Variants in CSMD1 observed in about 807,000 individuals in gnomAD.
The protein encoded by CSMD1 is CUB and Sushi multiple domains 1.
Under a neutral mutation model 417.5 loss-of-function variants are expected in CSMD1, and 213 were observed. That is an observed-to-expected ratio of 0.51 (90% CI 0.46 to 0.57). CSMD1 has a LOEUF of 0.57. Among genes scored for constraint, CSMD1 ranks in the 20% least tolerant of loss-of-function variants. The pLI is 0.00. For synonymous variants in CSMD1, 2,862 were observed against 1,736.8 expected, an observed-to-expected ratio of 1.65 and a Z score of -16.11; for missense variants, 6,923 against 4,529.7, an observed-to-expected ratio of 1.53 and a Z score of -15.17.
intron 31 of CSMD1, among the ~76,000 whole-genome samples, chr8:3,202,745 T>C: frequency 6.6e-6 from 1 of 152,214 alleles, no homozygotes; most frequent in East Asian, 1.9e-4. Context: ...GTAATCTAAC[T>C]GTAACAGTGT....
chr8:4,072,047 T>C (rs567251229), intron 3 of CSMD1, among the ~76,000 whole-genome samples: 44 of 152,272 alleles, frequency 2.9e-4, no homozygotes, highest in African/African-American at 8.9e-4. Context: ...GATGTTAGGA[T>C]AGAGTTTTGG....
chr8:3,698,333 G>C (rs1025562062), intron 7 of CSMD1, among the ~76,000 whole-genome samples: 2 of 152,174 alleles, frequency 1.3e-5, no homozygotes, highest in Non-Finnish European at 2.9e-5. Flanking sequence ...TAAGAAAACA[G>C]GGTCTTTAAC....
intron 3 of CSMD1, among the ~76,000 whole-genome samples, chr8:4,108,202 T>G (rs1259197247): frequency 1.3e-5 from 2 of 152,106 alleles, no homozygotes; most frequent in African/African-American, 4.8e-5. Flanking sequence ...GGGAAACAAA[T>G]CAAGCTTATG....
At chr8:4,750,077 C>T (rs947197174) in intron 1 of CSMD1, among the ~76,000 whole-genome samples, 1 of 152,098 alleles carries the variant, frequency 6.6e-6, no homozygotes, top group African/African-American at 2.4e-5. Context: ...GCGATCTCGG[C>T]TCACCGCAAG....
At chr8:4,468,681 T>C (rs910403392) in intron 2 of CSMD1, among the ~76,000 whole-genome samples, 1 of 152,034 alleles carries the variant, frequency 6.6e-6, no homozygotes, top group Non-Finnish European at 1.5e-5. Context: ...CTGGACTGTA[T>C]GTATCATAAC....
chr8:4,968,410 A>T (rs1383061578), intron 1 of CSMD1, among the ~76,000 whole-genome samples: 1 of 152,138 alleles, frequency 6.6e-6, no homozygotes, highest in Non-Finnish European at 1.5e-5. Flanking sequence ...AAAAAAAAAT[A>T]ACACCCAAGC....
At chr8:4,795,167 C>A (rs946729436) in intron 1 of CSMD1, among the ~76,000 whole-genome samples, 1 of 149,874 alleles carries the variant, frequency 6.7e-6, no homozygotes, top group African/African-American at 2.5e-5. Flanking sequence ...AATGTAGTAG[C>A]CACATTTTTA....
At chr8:4,892,118 G>T (rs898324609) in intron 1 of CSMD1, among the ~76,000 whole-genome samples, 2 of 152,054 alleles carry the variant, frequency 1.3e-5, no homozygotes, top group South Asian at 4.1e-4. Context: ...CTCTGTCACA[G>T]GGAAATTTTT....
intron 3 of CSMD1, among the ~76,000 whole-genome samples, chr8:4,286,505 A>G (rs1421713072): frequency 6.6e-6 from 1 of 152,132 alleles, no homozygotes; most frequent in Admixed American, 6.6e-5. Flanking sequence ...TGGCACAGGA[A>G]GGAAGACACT....
chr8:4,047,357 G>A (rs1276297317), intron 3 of CSMD1, among the ~76,000 whole-genome samples: 1 of 152,184 alleles, frequency 6.6e-6, no homozygotes, highest in Non-Finnish European at 1.5e-5. Flanking sequence ...CTTGGGAACG[G>A]TCCTGCTCAT....
chr8:4,541,975 A>G (rs4418366), intron 2 of CSMD1, among the ~76,000 whole-genome samples: 49,648 of 151,934 alleles, frequency 0.33, 9,143 homozygotes, highest in East Asian at 0.44. Context: ...GACTGACCTC[A>G]GATGTGGAGG....
intron 33 of CSMD1, among the ~76,000 whole-genome samples, chr8:3,197,855 G>A (rs955043417): frequency 5.9e-5 from 9 of 152,076 alleles, no homozygotes; most frequent in African/African-American, 2.2e-4. Context: ...TTTTACCATT[G>A]CTGTTGAGTA....
At chr8:3,389,700 T>A (rs75712689) in intron 17 of CSMD1, among the ~76,000 whole-genome samples, 9,019 of 152,090 alleles carry the variant, frequency 0.059, 565 homozygotes, top group South Asian at 0.19. Context: ...AACCATAAAC[T>A]AAACTTTTCC....
At chr8:4,565,362 T>C (rs566945709) in intron 2 of CSMD1, among the ~76,000 whole-genome samples, 2 of 152,288 alleles carry the variant, frequency 1.3e-5, no homozygotes, top group African/African-American at 4.8e-5. Context: ...TAACAAGCCA[T>C]GTGCAGCTGT....
intron 15 of CSMD1, among the ~76,000 whole-genome samples, chr8:3,399,798 A>C (rs1456971154): frequency 2.6e-5 from 4 of 152,210 alleles, no homozygotes; most frequent in African/African-American, 9.7e-5. Flanking sequence ...TAACTGAATT[A>C]TCTCATTTAA....
chr8:3,779,419 G>A (rs773775782), intron 5 of CSMD1, among the ~76,000 whole-genome samples: 1 of 152,124 alleles, frequency 6.6e-6, no homozygotes, highest in Non-Finnish European at 1.5e-5. Context: ...CTACGTAGGA[G>A]CATCAAGAAA....
intron 3 of CSMD1, among the ~76,000 whole-genome samples, chr8:4,184,695 G>A (rs1035577086): frequency 1.3e-5 from 2 of 152,152 alleles, no homozygotes; most frequent in Non-Finnish European, 2.9e-5. Flanking sequence ...GACACCAGAG[G>A]TTGGAAGGTG....
chr8:3,845,403 G>C (rs917066733), intron 5 of CSMD1, among the ~76,000 whole-genome samples: 1 of 152,136 alleles, frequency 6.6e-6, no homozygotes, highest in Admixed American at 6.5e-5. Flanking sequence ...GAAGGCAATG[G>C]TTACACAGTG....
At chr8:4,197,478 C>T (rs1799405755) in intron 3 of CSMD1, among the ~76,000 whole-genome samples, 1 of 152,136 alleles carries the variant, frequency 6.6e-6, no homozygotes, top group South Asian at 2.1e-4. Context: ...TTGAAGGCCT[C>T]AGTAGATGGA....
Sources: allele counts gnomAD v4.1 joint callset (sites outside exome capture counted in the v4.1 genomes callset), GRCh38; gene constraint gnomAD v4.1.1; transcripts MANE v1.5; gene names NCBI Gene and HGNC (gene_info 2026-07-23, HGNC 2026-07-21).